Variants in RGS7 observed in about 807,000 individuals in gnomAD.
RGS7 encodes the protein regulator of G protein signaling 7, also known as regulator of G-protein signaling 7.
In RGS7, 27 loss-of-function variants were observed where a neutral mutation model predicts 81.1. That is an observed-to-expected ratio of 0.33 (90% confidence interval 0.25 to 0.46). The LOEUF is 0.46. Among genes scored for constraint, RGS7 ranks in the 20% least tolerant of loss-of-function variants. The pLI is 1.00. For missense variants in RGS7, 396 were observed against 607.4 expected (o/e 0.65, Z 3.66); for synonymous variants, 208 against 207.7 (o/e 1.00, Z -0.01).
At chr1:241,128,418 T>C (rs1358594785) in intron 2 of RGS7, among the ~76,000 whole-genome samples, 1 of 151,816 alleles carries the variant, frequency 6.6e-6, no homozygotes, top group East Asian at 1.9e-4. Flanking sequence ...ACCCTGTCTC[T>C]ACTAAAAATA....
intron 9 of RGS7, among the ~76,000 whole-genome samples, chr1:240,862,557 G>GT (rs917733860): frequency 1.7e-4 from 25 of 151,272 alleles, no homozygotes; most frequent in South Asian, 4.2e-4. Context: ...GTGTTACCTG[G>GT]TTTTTTTTTA....
chr1:241,151,447 A>C (rs58016750), intron 2 of RGS7, among the ~76,000 whole-genome samples: 1 of 152,066 alleles, frequency 6.6e-6, no homozygotes, highest in South Asian at 2.1e-4. Context: ...ACCTGCATGC[A>C]GCGGGTGAAG....
intron 2 of RGS7, among the ~76,000 whole-genome samples, chr1:241,162,645 G>A (rs756283146): frequency 2.6e-5 from 4 of 152,086 alleles, no homozygotes; most frequent in African/African-American, 4.8e-5. Context: ...TATCTCTCCC[G>A]CTGCCTTAAA....
At chr1:240,841,371 A>C (rs976965332) in intron 9 of RGS7, among the ~76,000 whole-genome samples, 1 of 152,142 alleles carries the variant, frequency 6.6e-6, no homozygotes, top group African/African-American at 2.4e-5. Flanking sequence ...GCCCCTATGC[A>C]TTTCTTTACC....
chr1:240,900,269 C>T (rs532744563), intron 6 of RGS7, among the ~76,000 whole-genome samples: 22 of 152,282 alleles, frequency 1.4e-4, no homozygotes, highest in South Asian at 8.3e-4. Context: ...TATTACCGAT[C>T]GTCTGAAGCC....
At chr1:241,231,751 T>C (rs182666543) in intron 2 of RGS7, among the ~76,000 whole-genome samples, 6 of 152,366 alleles carry the variant, frequency 3.9e-5, no homozygotes, top group Admixed American at 3.9e-4. Context: ...ATAAATGATT[T>C]GCAAATATTT....
At chr1:240,804,280 T>C (rs1239459603) in intron 15 of RGS7, among the ~76,000 whole-genome samples, 1 of 152,176 alleles carries the variant, frequency 6.6e-6, no homozygotes, top group Non-Finnish European at 1.5e-5. Context: ...ATATGGCAGG[T>C]ACTCTTTTAA....
At chr1:241,175,165 G>A (rs2071036106) in intron 2 of RGS7, among the ~76,000 whole-genome samples, 2 of 152,172 alleles carry the variant, frequency 1.3e-5, no homozygotes, top group East Asian at 1.9e-4. Flanking sequence ...GCCTCTCAAA[G>A]TGCTGGGATT....
rs111398138 is a variant in RGS7, at chr1:240,778,227, G to A, written c.*7-2014C>T. Among the ~76,000 whole-genome samples, 4 of 152,114 alleles carry A rather than the reference G, an allele frequency of 2.6e-5. 1 individual carries two copies. Among genetic ancestry groups the A allele is most frequent in the African/African-American group, 9.6e-5 (4 of 41,512 alleles). ...GATCTAATGACCTTCCAAAGGCCCT[G>A]GCTCCTGATACCATCACCCTTGAGA... is the stretch of plus-strand genomic sequence containing the variant. On this transcript the variant is annotated intron_variant, in intron 18 of 18. Coordinates refer to ENST00000440928, the MANE Select transcript of RGS7 (RefSeq NM_001364886.1).
chr1:241,177,117 C>T (rs1200596380), intron 2 of RGS7, among the ~76,000 whole-genome samples: 1 of 152,054 alleles, frequency 6.6e-6, no homozygotes, highest in Non-Finnish European at 1.5e-5. Flanking sequence ...CATTCTAGGG[C>T]AGGAGGAAAG....
At chr1:240,852,510 C>T (rs1660293377) in intron 9 of RGS7, among the ~76,000 whole-genome samples, 1 of 152,150 alleles carries the variant, frequency 6.6e-6, no homozygotes, top group East Asian at 1.9e-4. Flanking sequence ...GCCTCTACTA[C>T]CTGTAGTTGT....
rs532756815 is a variant in RGS7 at position 240,791,902 on chromosome 1, T to C, written c.*6+8739A>G. Reference sequence around the variant, plus strand: ...GTTGATGGAATTCTGCTTAACTCTTTTTCATTCTATTTGATGCTGTTTAAT... The same window carrying C: ...GTTGATGGAATTCTGCTTAACTCTTCTTCATTCTATTTGATGCTGTTTAAT... On this transcript the variant is annotated intron_variant, in intron 18 of 18. Transcript: ENST00000440928. 1.4e-4 allele frequency among the ~76,000 whole-genome samples: 21 copies of C among 152,360 alleles called. 1 individual carries two copies. The South Asian group carries it at 4.1e-3, about 30-fold the overall frequency.
intron 2 of RGS7, among the ~76,000 whole-genome samples, chr1:241,266,521 T>G (rs146425601): frequency 1.6e-4 from 24 of 152,344 alleles, no homozygotes; most frequent in Non-Finnish European, 2.6e-4. Flanking sequence ...CCATTCTATT[T>G]CCTTTAATTT....
chr1:240,813,489 T>G, intron 13 of RGS7, 129 bp downstream of exon 13: 1 of 698,218 alleles, frequency 1.4e-6, no homozygotes, highest in Non-Finnish European at 2.7e-6. Context: ...AACAAGAATG[T>G]TAGATATAGG....
rs1051909254 is a variant in RGS7 at position 240,877,190 on chromosome 1, A to T, written c.386-7071T>A. Among the ~76,000 whole-genome samples, 3 of 152,078 alleles carry T rather than the reference A, an allele frequency of 2.0e-5. No individual in the cohort carries two copies. The South Asian group carries it at 6.2e-4, about 32-fold the overall frequency. ...CTACCTAAAAAGCTGAAATAACTTG[A>T]TTTGTAAAACCCTTAATTCCTCCTC... is the stretch of plus-strand genomic sequence containing the variant. On this transcript the variant is annotated intron_variant, in intron 6 of 18. Coordinates refer to ENST00000440928, the MANE Select transcript of RGS7 (RefSeq NM_001364886.1).
At chr1:240,956,896 C>T (rs1442854201) in intron 4 of RGS7, among the ~76,000 whole-genome samples, 1 of 151,208 alleles carries the variant, frequency 6.6e-6, no homozygotes, top group African/African-American at 2.4e-5. Context: ...GGGCATTTTA[C>T]AAAATAACCA....
chr1:241,110,452 A>G (rs966662477), intron 2 of RGS7, among the ~76,000 whole-genome samples: 18 of 152,304 alleles, frequency 1.2e-4, no homozygotes, highest in African/African-American at 4.1e-4. Flanking sequence ...TTCCTCTAAA[A>G]AATAAATGAA....
At chr1:241,071,655 G>T (rs567221289) in intron 3 of RGS7, among the ~76,000 whole-genome samples, 1 of 151,074 alleles carries the variant, frequency 6.6e-6, no homozygotes, top group Non-Finnish European at 1.5e-5. Context: ...TAGAATCTTC[G>T]TTAAGCCTTA....
intron 2 of RGS7, among the ~76,000 whole-genome samples, chr1:241,130,945 A>C (rs982546065): frequency 2.6e-4 from 38 of 145,832 alleles, no homozygotes; most frequent in Non-Finnish European, 4.7e-4. Flanking sequence ...AAAAAAAAAA[A>C]CCAAGAGGCC....
Sources: gnomAD v4.1 joint callset for allele counts (sites outside exome capture counted in the v4.1 genomes callset) on GRCh38, gnomAD v4.1.1 for gene constraint, MANE v1.5 for transcripts, NCBI Gene and HGNC (gene_info 2026-07-23, HGNC 2026-07-21) for gene names.